The following SGCD variants were observed in gnomAD, a reference collection of about 807,000 sequenced individuals.
SGCD encodes the protein sarcoglycan delta.
Under a neutral mutation model 36.6 loss-of-function variants are expected in SGCD, and 18 were observed. The observed-to-expected ratio is 0.49, with a 90% CI of 0.34 to 0.73. The LOEUF (loss-of-function observed/expected upper bound fraction) is 0.73, where lower values mean the gene tolerates loss of function less well. Ranked by LOEUF, SGCD falls within the 30% of genes least tolerant of loss-of-function variation. SGCD has a pLI of 0.01. For synonymous variants in SGCD, 133 were observed against 130.6 expected (o/e 1.02, Z -0.12); for missense variants, 387 against 346.7 (o/e 1.12, Z -0.92).
At chr5:155,944,915 A>G (rs540747997) in intron 1 of SGCD, among the ~76,000 whole-genome samples, 36 of 147,984 alleles carry the variant, frequency 2.4e-4, no homozygotes, top group Non-Finnish European at 4.4e-4. Flanking sequence ...GCCATGCAAA[A>G]AAAAATAATA....
At chr5:156,491,551 A>G (rs1755937947) in intron 3 of SGCD, among the ~76,000 whole-genome samples, 1 of 152,164 alleles carries the variant, frequency 6.6e-6, no homozygotes, top group Non-Finnish European at 1.5e-5. Context: ...TGCAGCCAAC[A>G]GATTTTCAAA....
At chr5:156,127,863 A>C (rs1479940384) in intron 3 of SGCD, among the ~76,000 whole-genome samples, 2 of 148,226 alleles carry the variant, frequency 1.3e-5, no homozygotes, top group East Asian at 1.9e-4. Flanking sequence ...GCAAAAAAAA[A>C]AAAAAAAAAA....
intron 1 of SGCD, among the ~76,000 whole-genome samples, chr5:155,989,245 A>AACACATAACCTGTAGG (rs1472029881): frequency 7.9e-5 from 12 of 152,222 alleles, no homozygotes; most frequent in African/African-American, 2.9e-4. Flanking sequence ...GGTTTCTGCC[A>AACACATAACCTGTAGG]TTGCAGTATC....
intron 1 of SGCD, among the ~76,000 whole-genome samples, chr5:155,931,895 C>T (rs191011375): frequency 6.6e-6 from 1 of 152,310 alleles, no homozygotes; most frequent in Admixed American, 6.5e-5. Context: ...GTCCAAGGCA[C>T]TGGCATATTC....
intron 3 of SGCD, among the ~76,000 whole-genome samples, chr5:156,162,490 G>A (rs894424341): frequency 1.3e-5 from 2 of 151,556 alleles, no homozygotes; most frequent in Non-Finnish European, 2.9e-5. Flanking sequence ...AAGGACCAGG[G>A]AACCAGGTAG....
At chr5:155,751,223 C>G in the SGCD span, among the ~76,000 whole-genome samples, 2 of 152,018 alleles carry the variant, frequency 1.3e-5, no homozygotes, top group Admixed American at 1.3e-4. Flanking sequence ...GCATGAGTGG[C>G]AAAAGTATTG....
At chr5:156,113,880 G>C (rs79999029) in intron 1 of SGCD, among the ~76,000 whole-genome samples, 133 of 152,256 alleles carry the variant, frequency 8.7e-4, no homozygotes, top group African/African-American at 3.0e-3. Context: ...AACCTTAAAA[G>C]TGTATTACTA....
At chr5:156,326,232 A>C (rs905424572), upstream of SGCD, among the ~76,000 whole-genome samples, 12 of 152,142 alleles carry the variant, frequency 7.9e-5, no homozygotes, top group African/African-American at 2.4e-4. Flanking sequence ...GAAAGGGAAA[A>C]TGTCAAAGGT....
intron 3 of SGCD, among the ~76,000 whole-genome samples, chr5:156,363,392 A>T (rs865926152): frequency 6.6e-6 from 1 of 152,220 alleles, no homozygotes; most frequent in Admixed American, 6.5e-5. Context: ...TGAAAAAAGT[A>T]TAACATTGCT....
At chr5:155,757,152 C>T in the SGCD span, among the ~76,000 whole-genome samples, 2 of 152,124 alleles carry the variant, frequency 1.3e-5, no homozygotes, top group Non-Finnish European at 2.9e-5. Flanking sequence ...CAAACATGCT[C>T]GTCTTGGAAA....
the SGCD span, among the ~76,000 whole-genome samples, chr5:155,803,910 A>G: frequency 6.6e-6 from 1 of 152,202 alleles, no homozygotes; most frequent in Admixed American, 6.5e-5. Context: ...GAACTGCTGT[A>G]TTGAAATGCC....
At chr5:156,252,142 A>C (rs914295510) in intron 3 of SGCD, among the ~76,000 whole-genome samples, 2 of 151,122 alleles carry the variant, frequency 1.3e-5, no homozygotes. Flanking sequence ...TCTCTGGCTC[A>C]CATCCACCTC....
At chr5:156,578,872 G>T (rs1162034308) in intron 4 of SGCD, among the ~76,000 whole-genome samples, 2 of 152,082 alleles carry the variant, frequency 1.3e-5, no homozygotes, top group Non-Finnish European at 2.9e-5. Flanking sequence ...CCAGCTCCTG[G>T]ATTCATTGAT....
intron 7 of SGCD, 91 bp downstream of exon 7, chr5:156,647,627 G>A (rs1763279981): frequency 2.5e-6 from 2 of 811,630 alleles, no homozygotes; most frequent in Non-Finnish European, 3.9e-6. Flanking sequence ...AATAATAAGT[G>A]TCACAGCGTG....
chr5:156,647,313 C>A, intron 6 of SGCD, 151 bp from the exon 7 acceptor site: 1 of 525,538 alleles, frequency 1.9e-6, no homozygotes, highest in Non-Finnish European at 3.4e-6. Context: ...CAATGCTTTC[C>A]TATCATGGAG....
intron 3 of SGCD, among the ~76,000 whole-genome samples, chr5:156,416,274 C>G (rs1005392387): frequency 6.6e-6 from 1 of 152,122 alleles, no homozygotes; most frequent in Non-Finnish European, 1.5e-5. Context: ...GAATGGAAAA[C>G]CAAACATTGT....
intron 1 of SGCD, among the ~76,000 whole-genome samples, chr5:156,075,398 T>C (rs1333870295): frequency 6.6e-6 from 1 of 152,098 alleles, no homozygotes; most frequent in Non-Finnish European, 1.5e-5. Flanking sequence ...AAAAAAATCA[T>C]ACTACAAGGA....
chr5:156,413,936 G>A (rs572381021), intron 3 of SGCD, among the ~76,000 whole-genome samples: 1 of 152,268 alleles, frequency 6.6e-6, no homozygotes, highest in Admixed American at 6.5e-5. Context: ...GGAGATGAAA[G>A]TCATACGAGT....
intron 3 of SGCD, among the ~76,000 whole-genome samples, chr5:156,273,078 G>A (rs1766222177): frequency 6.6e-6 from 1 of 152,148 alleles, no homozygotes; most frequent in Admixed American, 6.6e-5. Context: ...CAGTTCCTGT[G>A]CATAGAAGAG....
Sources: allele counts gnomAD v4.1 joint callset (sites outside exome capture counted in the v4.1 genomes callset), GRCh38; gene constraint gnomAD v4.1.1; transcripts MANE v1.5; gene names NCBI Gene and HGNC (gene_info 2026-07-23, HGNC 2026-07-21).